ZNF208: variants seen among roughly 807,000 people sequenced by gnomAD.
ZNF208 encodes the protein zinc finger protein 208.
ZNF208 carries 10 observed loss-of-function variants against 12.1 expected under a neutral mutation model. The ratio of observed to expected loss-of-function variants is 0.83; its 90% confidence interval spans 0.51 to 1.40. The LOEUF is 1.40. Ranked by LOEUF, ZNF208 falls within the 40% of genes most tolerant of loss-of-function variation. The probability of loss-of-function intolerance (pLI) is 0.00; values close to 1 mark genes in which losing one functional copy is unlikely to be tolerated. For missense variants in ZNF208, 1,652 were observed against 1,485.0 expected, an observed-to-expected ratio of 1.11 and a Z score of -1.85; for synonymous variants, 497 against 488.4, an observed-to-expected ratio of 1.02 and a Z score of -0.23.
intron 4 of ZNF208, among the ~76,000 whole-genome samples, chr19:21,949,901 G>C (rs1203539700): frequency 6.6e-6 from 1 of 152,158 alleles, no homozygotes; most frequent in African/African-American, 2.4e-5. Context: ...TCTAATGGAA[G>C]CCTCTGACTA....
chr19:21,956,548 T>A (rs933269806), intron 4 of ZNF208, among the ~76,000 whole-genome samples: 6 of 152,166 alleles, frequency 3.9e-5, no homozygotes, highest in African/African-American at 1.4e-4. Context: ...CAGAAGCCCC[T>A]CCCCTAGCCT....
intron 4 of ZNF208, among the ~76,000 whole-genome samples, chr19:21,957,597 T>C (rs1969996832): frequency 6.6e-6 from 1 of 152,020 alleles, no homozygotes; most frequent in African/African-American, 2.4e-5. Flanking sequence ...AATACAGGAG[T>C]TTAACCAACT....
chr19:21,979,314 C>G (rs1347160904), intron 3 of ZNF208, among the ~76,000 whole-genome samples: 1 of 151,976 alleles, frequency 6.6e-6, no homozygotes, highest in Non-Finnish European at 1.5e-5. Context: ...AAAATGTTGA[C>G]GGCAGCCAGG....
chr19:21,942,427 G>A (rs1167528749), intron 4 of ZNF208, among the ~76,000 whole-genome samples: 3 of 152,112 alleles, frequency 2.0e-5, no homozygotes, highest in African/African-American at 7.2e-5. Context: ...TGTATTCAAA[G>A]TTTTCTAGTT....
In ZNF208 at chr19:21,973,257, A is replaced by C; in HGVS notation, c.1777T>G (p.Ser593Ala). 2.5e-6 allele frequency: 4 copies of C among 1,612,766 alleles called. No homozygotes were observed. The highest frequency in any genetic ancestry group is 3.4e-6 in the Non-Finnish European group (4 of 1,179,718). ...CEECGKAFNQ[S>A]AILIKHKRIH... Reference sequence around the variant, plus strand: ...CTCTTATGTTTAATAAGAATTGCAGATTGGTTAAAAGCTTTGCCACATTCT... The same window carrying C: ...CTCTTATGTTTAATAAGAATTGCAGCTTGGTTAAAAGCTTTGCCACATTCT... The change falls in exon 4 of 4, where the codon TCT becomes GCT. Residue 593 changes from serine to alanine, a missense_variant. Physicochemically the swap from Ser to Ala is moderately conservative, Grantham distance 99. Coordinates refer to ENST00000397126, the MANE Select transcript of ZNF208 (RefSeq NM_007153.3).
chr19:21,955,166 C>G (rs1343245265), intron 4 of ZNF208, among the ~76,000 whole-genome samples: 1 of 152,234 alleles, frequency 6.6e-6, no homozygotes, highest in Admixed American at 6.5e-5. Context: ...GGCCCCCATT[C>G]TCTTCTGGCT....
intron 3 of ZNF208, among the ~76,000 whole-genome samples, chr19:21,983,519 T>A (rs1970582141): frequency 6.6e-6 from 1 of 152,178 alleles, no homozygotes; most frequent in Non-Finnish European, 1.5e-5. Context: ...CTCAGAAGAT[T>A]ATAAATCATT....
chr19:21,967,843 T>C lies in ZNF208; in HGVS notation c.*3348A>G, dbSNP rs1970200437. 1 of 152,206 alleles carries C rather than the reference T, an allele frequency of 6.6e-6. No homozygotes were observed. Among genetic ancestry groups the C allele is most frequent in the Non-Finnish European group, 1.5e-5 (1 of 68,032 alleles). The allele number at this position is 152,206 out of a possible 1,614,324, so 9.4% of individuals were successfully genotyped here. On this transcript the variant is annotated 3_prime_UTR_variant, in exon 4 of 4. Transcript: ENST00000397126. ...AATCTGTAGGTTGCTTTAGGCAGAA[T>C]GACCATTTTAATTATATTATTTGAA...
chr19:21,985,724 C>A (rs1360564946), intron 3 of ZNF208, among the ~76,000 whole-genome samples: 1 of 152,222 alleles, frequency 6.6e-6, no homozygotes, highest in Non-Finnish European at 1.5e-5. Context: ...TTGGTCCTTA[C>A]TGTGGTTCCA....
At chr19:21,955,930 C>G (rs1385329964) in intron 4 of ZNF208, among the ~76,000 whole-genome samples, 5 of 152,224 alleles carry the variant, frequency 3.3e-5, no homozygotes, top group African/African-American at 4.8e-5. Flanking sequence ...TTAGAATTTT[C>G]AGCTTTTCTG....
rs1023690404 is a variant in ZNF208, at chr19:22,002,130, T to C, written c.3+8662A>G. 2.0e-4 allele frequency among the ~76,000 whole-genome samples: 31 copies of C among 152,134 alleles called. 1 individual carries two copies. The highest frequency in any genetic ancestry group is 5.8e-4 in the African/African-American group (24 of 41,514). ...TTATCTCAATAGATGCACAAAAAGC[T>C]TTCAATAAAATTTAACATTTTTCAT... On this transcript the variant is annotated intron_variant, in intron 1 of 3. Transcript: ENST00000397126.
intron 1 of ZNF208, among the ~76,000 whole-genome samples, chr19:21,996,163 A>C (rs1266293086): frequency 6.6e-6 from 1 of 152,220 alleles, no homozygotes; most frequent in African/African-American, 2.4e-5. Flanking sequence ...ACATAAGCAG[A>C]CAGTTTATTT....
chr19:21,989,903 AT>A (rs1181926853), intron 1 of ZNF208, among the ~76,000 whole-genome samples: 1 of 152,002 alleles, frequency 6.6e-6, no homozygotes, highest in Admixed American at 6.6e-5. Context: ...GTCTGTTCAT[AT>A]CCTTTGCCCA....
intron 1 of ZNF208, among the ~76,000 whole-genome samples, chr19:21,991,909 C>T (rs1187294971): frequency 1.3e-5 from 2 of 151,660 alleles, no homozygotes; most frequent in Admixed American, 6.6e-5. Flanking sequence ...TCCAGAAGAT[C>T]TGAGATAAAG....
chr19:21,971,112 G>T lies in ZNF208; in HGVS notation c.*79C>A. On this transcript the variant is annotated 3_prime_UTR_variant, in exon 4 of 4. Transcript: ENST00000397126. ...TCACCACATTCTTCACATTTGTAGG[G>T]TTTCTCTCCAGTATGAATTTTCTTA... 6.2e-7 allele frequency: 1 copy of T among 1,613,168 alleles called. No individual in the cohort carries two copies. The highest frequency in any genetic ancestry group is 1.7e-5 in the Admixed American group (1 of 59,836).
Position 22,001,892 on chromosome 19 carries a change from C to CAAAAAAAAAAAAAA in ZNF208, c.3+8886_3+8899dup, listed in dbSNP as rs58939967. Among the ~76,000 whole-genome samples, 418 of 74,076 alleles carry CAAAAAAAAAAAAAA rather than the reference C, an allele frequency of 5.6e-3. 101 individuals carry two copies. Among genetic ancestry groups the CAAAAAAAAAAAAAA allele is most frequent in the Non-Finnish European group, 7.0e-3 (257 of 36,764 alleles). 48.6% of individuals were successfully genotyped at this position (74,076 alleles called of 152,430 possible). ...TGGATGACACAGTGAGACTCCATCC[C>CAAAAAAAAAAAAAA]AAAAAAAAAAAAAAAAAAAAAAAAA... On this transcript the variant is annotated intron_variant, in intron 1 of 3. Coordinates refer to ENST00000397126, the MANE Select transcript of ZNF208 (RefSeq NM_007153.3).
In ZNF208 at chr19:21,952,740, T is replaced by C. The variant is rs149665725; in HGVS notation, c.306-19503A>G. Among the ~76,000 whole-genome samples, 851 of 152,290 alleles carry C rather than the reference T, an allele frequency of 5.6e-3. 1 individual carries two copies. Among genetic ancestry groups the C allele is most frequent in the African/African-American group, 0.019 (795 of 41,552 alleles). ...ACCAGAGTAGAAAAGCTGAAAATTC[T>C]AAAAACCAGGGCACCTTTTCTCCTC... is the stretch of plus-strand genomic sequence containing the variant. On this transcript the variant is annotated intron_variant, in intron 4 of 4. Transcript: ENST00000599916.
intron 3 of ZNF208, among the ~76,000 whole-genome samples, chr19:21,976,581 A>T (rs1277505038): frequency 6.6e-6 from 1 of 152,192 alleles, no homozygotes; most frequent in African/African-American, 2.4e-5. Context: ...TTCTTTTGAG[A>T]CAAAGTTTTA....
intron 3 of ZNF208, among the ~76,000 whole-genome samples, chr19:21,985,962 A>C (rs996774542): frequency 6.6e-6 from 1 of 152,156 alleles, no homozygotes; most frequent in Non-Finnish European, 1.5e-5. Flanking sequence ...CTCTGTCCAA[A>C]AATAAAATGG....
Sources: allele counts gnomAD v4.1 joint callset (sites outside exome capture counted in the v4.1 genomes callset), GRCh38; gene constraint gnomAD v4.1.1; transcripts MANE v1.5; gene names NCBI Gene and HGNC (gene_info 2026-07-23, HGNC 2026-07-21).